Variants in ZSCAN5A observed in about 807,000 individuals in gnomAD.
The protein encoded by ZSCAN5A is zinc finger and SCAN domain containing 5A, also known as zinc finger and SCAN domain-containing protein 5A.
A neutral mutation model predicts 23.7 loss-of-function variants in ZSCAN5A; 12 were observed. That is an observed-to-expected ratio of 0.51 (90% CI 0.32 to 0.82). The LOEUF is 0.82. Among genes scored for constraint, ZSCAN5A ranks in the 40% least tolerant of loss-of-function variants. The pLI, the probability that ZSCAN5A is intolerant of heterozygous loss-of-function variation, is 0.03. For missense variants in ZSCAN5A, 597 were observed against 617.9 expected, an observed-to-expected ratio of 0.97 and a Z score of 0.36; for synonymous variants, 257 against 239.9, an observed-to-expected ratio of 1.07 and a Z score of -0.66.
chr19:56,331,880 C>G (rs2041493208), intron 2 of ZSCAN5A, among the ~76,000 whole-genome samples: 1 of 151,946 alleles, frequency 6.6e-6, no homozygotes, highest in African/African-American at 2.4e-5. Context: ...GCCACTGCGC[C>G]CAGCCTAGTA....
intron 2 of ZSCAN5A, among the ~76,000 whole-genome samples, chr19:56,300,717 T>C (rs2040167821): frequency 6.6e-6 from 1 of 152,250 alleles, no homozygotes; most frequent in African/African-American, 2.4e-5. Context: ...ATTCATTTTT[T>C]TTCGTTTTCG....
intron 2 of ZSCAN5A, among the ~76,000 whole-genome samples, chr19:56,302,530 C>CCCCT (rs2040344107): frequency 4.1e-5 from 1 of 24,502 alleles, no homozygotes; most frequent in Non-Finnish European, 1.4e-4. Flanking sequence ...CCCTCCCTCC[C>CCCCT]TCTTCTTCCT....
In ZSCAN5A at chr19:56,248,908, T is replaced by G. The variant is rs141456820; in HGVS notation, c.-127-23735A>C. Among the ~76,000 whole-genome samples, 451 of 152,138 alleles carry G rather than the reference T, an allele frequency of 3.0e-3. 4 individuals are homozygous for G. Among genetic ancestry groups the G allele is most frequent in the African/African-American group, 9.8e-3 (406 of 41,502 alleles). On this transcript the variant is annotated intron_variant, in intron 2 of 5. Coordinates refer to ENST00000683990, the MANE Select transcript of ZSCAN5A (RefSeq NM_001322064.3). ...ACATATCACCACCACCCAGAGTCCATGGTGTTCATTAGGGCTCGCTCTGGG... is the reference window on the plus strand; with the variant it reads ...ACATATCACCACCACCCAGAGTCCAGGGTGTTCATTAGGGCTCGCTCTGGG...
In ZSCAN5A at chr19:56,351,918, G is replaced by A. The variant is rs911282948; in HGVS notation, c.-358+11317C>T. 6.6e-6 allele frequency among the ~76,000 whole-genome samples: 1 copy of A among 152,158 alleles called. No homozygotes were observed. The highest frequency in any genetic ancestry group is 1.5e-5 in the Non-Finnish European group (1 of 68,044). On this transcript the variant is annotated intron_variant, in intron 2 of 6. Coordinates refer to the ZSCAN5A transcript ENST00000587340. This position sits in a 1 kb window ranked among gnomAD's most constrained non-coding sequence, Gnocchi z 4.8. Reference sequence around the variant, plus strand: ...TTCCCAGCAATAATTTTACAGACCTGAGACGTTTGCAAGATGAAATTGTGT... The same window carrying A: ...TTCCCAGCAATAATTTTACAGACCTAAGACGTTTGCAAGATGAAATTGTGT...
intron 2 of ZSCAN5A, among the ~76,000 whole-genome samples, chr19:56,341,713 A>AAAAAAC (rs2041594225): frequency 6.6e-6 from 1 of 150,540 alleles, no homozygotes; most frequent in African/African-American, 2.4e-5. Flanking sequence ...AAAAAAAAAA[A>AAAAAAC]AAAAAAAAAA....
At chr19:56,322,037 C>T in intron 2 of ZSCAN5A, 2 of 775,462 alleles carry the variant, frequency 2.6e-6, no homozygotes, top group South Asian at 1.3e-5. Context: ...GTTTTTAGTC[C>T]TCTGGTGACG....
chr19:56,324,073 C>A (rs1363657413), intron 2 of ZSCAN5A, among the ~76,000 whole-genome samples: 1 of 152,122 alleles, frequency 6.6e-6, no homozygotes, highest in Non-Finnish European at 1.5e-5. Flanking sequence ...AACAGTAGAT[C>A]TTATTCATTC....
chr19:56,266,078 G>C (rs2037449251), intron 2 of ZSCAN5A: 1 of 152,142 alleles, frequency 6.6e-6, no homozygotes, highest in South Asian at 2.1e-4. Flanking sequence ...TATTGGCTTT[G>C]TTGACTTTGG....
At chr19:56,244,218 T>C in intron 2 of ZSCAN5A, 6 of 1,607,600 alleles carry the variant, frequency 3.7e-6, no homozygotes, top group Non-Finnish European at 5.1e-6. Context: ...TCGGACCCCA[T>C]CCAGGCTCTG....
At chr19:56,314,626 C>A (rs2041255975) in intron 1 of ZSCAN5A, 55 bp downstream of exon 1, 1 of 152,214 alleles carries the variant, frequency 6.6e-6, no homozygotes, top group African/African-American at 2.4e-5. Context: ...CCACCCCAGT[C>A]CGGCCTCCGC....
intron 2 of ZSCAN5A, among the ~76,000 whole-genome samples, chr19:56,255,498 C>A (rs774446145): frequency 1.3e-4 from 20 of 152,142 alleles, no homozygotes; most frequent in Admixed American, 7.2e-4. Context: ...TGTGCCGTAG[C>A]CCAGTGCAAC....
chr19:56,251,004 G>A (rs1021478814), intron 2 of ZSCAN5A, among the ~76,000 whole-genome samples: 3 of 152,142 alleles, frequency 2.0e-5, no homozygotes, highest in Non-Finnish European at 4.4e-5. Context: ...CAAAAAATTA[G>A]TCAGGTGTGG....
intron 2 of ZSCAN5A, among the ~76,000 whole-genome samples, chr19:56,362,179 A>T (rs950844408): frequency 4.0e-5 from 6 of 151,760 alleles, no homozygotes; most frequent in Non-Finnish European, 7.4e-5. Context: ...AAAAAAAATT[A>T]AAAAACCCAC....
At position 56,351,639 on chromosome 19, in the gene ZSCAN5A, C is replaced by T. The variant is rs934125389; in HGVS notation, c.-358+11596G>A. On this transcript the variant is annotated intron_variant, in intron 2 of 6. Transcript: ENST00000587340. This position sits in a 1 kb window ranked among gnomAD's most constrained non-coding sequence, Gnocchi z 4.8. The stretch of plus-strand genomic sequence containing the variant: ...TTAAACTTTTCACTCCTTAAAACTA[C>T]TCCACATGTGTCCATGTCGTTAATC... Among the ~76,000 whole-genome samples, 1 of 152,172 alleles carries T rather than the reference C, an allele frequency of 6.6e-6. No homozygotes were observed. Among genetic ancestry groups the T allele is most frequent in the East Asian group, 1.9e-4 (1 of 5,196 alleles).
intron 1 of ZSCAN5A, among the ~76,000 whole-genome samples, chr19:56,367,554 G>A (rs947264924): frequency 6.6e-6 from 1 of 152,114 alleles, no homozygotes; most frequent in African/African-American, 2.4e-5. Context: ...TCAAAACAAT[G>A]ACAAAGTAGA....
At chr19:56,345,840 T>A (rs1294990859) in intron 2 of ZSCAN5A, among the ~76,000 whole-genome samples, 1 of 152,222 alleles carries the variant, frequency 6.6e-6, no homozygotes, top group African/African-American at 2.4e-5. Flanking sequence ...ATACACTTCT[T>A]TAAAACCCAA....
At chr19:56,329,957 A>G (rs181887067) in intron 2 of ZSCAN5A, among the ~76,000 whole-genome samples, 3 of 152,202 alleles carry the variant, frequency 2.0e-5, no homozygotes, top group Admixed American at 6.5e-5. Context: ...ACAGTACCCA[A>G]TAGTTTTTCA....
chr19:56,321,610 C>G (rs2041376731), intron 2 of ZSCAN5A: 4 of 817,722 alleles, frequency 4.9e-6, no homozygotes, highest in Middle Eastern at 2.2e-4. Flanking sequence ...TGGCAGCAGT[C>G]AGCACAATGG....
chr19:56,258,348 G>T (rs1043316097), intron 2 of ZSCAN5A, among the ~76,000 whole-genome samples: 3 of 150,506 alleles, frequency 2.0e-5, no homozygotes, highest in Admixed American at 2.0e-4. Context: ...AGAGGAAATG[G>T]AGTCCTTGTC....
Sources: allele counts gnomAD v4.1 joint callset (sites outside exome capture counted in the v4.1 genomes callset), GRCh38; gene constraint gnomAD v4.1.1; non-coding constraint Gnocchi (gnomAD v3.1); transcripts MANE v1.5; gene names NCBI Gene and HGNC (gene_info 2026-07-23, HGNC 2026-07-21).